Variants in DOK6 observed in about 807,000 individuals in gnomAD.
The protein encoded by DOK6 is docking protein 6, also known as downstream of tyrosine kinase 6.
DOK6 carries 22 observed loss-of-function variants against 44.0 expected under a neutral mutation model. The observed-to-expected ratio is 0.50, with a 90% CI of 0.36 to 0.71. The LOEUF is 0.71. Among genes scored for constraint, DOK6 ranks in the 30% least tolerant of loss-of-function variants. DOK6 has a pLI of 0.00. For synonymous variants in DOK6, 166 were observed against 145.5 expected (o/e 1.14, Z -1.01); for missense variants, 340 against 416.4 (o/e 0.82, Z 1.60).
At chr18:69,565,007 G>A (rs1211415897) in intron 2 of DOK6, among the ~76,000 whole-genome samples, 1 of 152,114 alleles carries the variant, frequency 6.6e-6, no homozygotes, top group Non-Finnish European at 1.5e-5. Context: ...TTGCTGTTTT[G>A]TAAGCTCCTT....
chr18:69,407,899 C>T (rs1222055875), intron 1 of DOK6, among the ~76,000 whole-genome samples: 2 of 152,136 alleles, frequency 1.3e-5, no homozygotes, highest in Non-Finnish European at 2.9e-5. Context: ...TAGTTTGAGA[C>T]TTCATAATGG....
intron 3 of DOK6, among the ~76,000 whole-genome samples, chr18:69,629,326 G>A (rs1323543835): frequency 1.3e-5 from 2 of 152,092 alleles, no homozygotes. Flanking sequence ...CCGAAGTTTT[G>A]AATAAGATAT....
intron 3 of DOK6, among the ~76,000 whole-genome samples, chr18:69,667,730 C>G (rs2144677287): frequency 6.6e-6 from 1 of 152,172 alleles, no homozygotes; most frequent in Admixed American, 6.5e-5. Context: ...AGTTGCCTTC[C>G]CTGTTTGTTT....
intron 5 of DOK6, 67 bp downstream of exon 5, chr18:69,698,660 T>C: frequency 6.8e-7 from 1 of 1,475,270 alleles, no homozygotes; most frequent in Admixed American, 2.2e-5. Flanking sequence ...AACAGAGTCC[T>C]GAAAGAGAGT....
At chr18:69,770,582 G>C (rs988611447) in intron 7 of DOK6, among the ~76,000 whole-genome samples, 3 of 152,088 alleles carry the variant, frequency 2.0e-5, no homozygotes, top group Non-Finnish European at 2.9e-5. Context: ...CTTGTATACA[G>C]TTTGGTCACT....
chr18:69,529,754 G>A (rs17773468), intron 1 of DOK6, among the ~76,000 whole-genome samples: 4,601 of 152,076 alleles, frequency 0.03, 86 homozygotes, highest in Middle Eastern at 0.048. Flanking sequence ...GCCCTATTCC[G>A]TGCAATCTTC....
At chr18:69,556,223 T>C (rs2144591844) in intron 1 of DOK6, among the ~76,000 whole-genome samples, 1 of 152,286 alleles carries the variant, frequency 6.6e-6, no homozygotes, top group African/African-American at 2.4e-5. Flanking sequence ...GCCACCTTGT[T>C]CTGATTCCCT....
At chr18:69,713,598 C>T (rs906046915) in intron 5 of DOK6, among the ~76,000 whole-genome samples, 2 of 152,148 alleles carry the variant, frequency 1.3e-5, no homozygotes, top group African/African-American at 4.8e-5. Context: ...TATTTTTTGT[C>T]ATTTTGCACA....
intron 5 of DOK6, among the ~76,000 whole-genome samples, chr18:69,700,363 A>G (rs755247803): frequency 6.6e-6 from 1 of 151,690 alleles, no homozygotes; most frequent in Non-Finnish European, 1.5e-5. Flanking sequence ...TCCTCTTTCT[A>G]TGGAAAACAA....
intron 1 of DOK6, among the ~76,000 whole-genome samples, chr18:69,424,354 T>A (rs1897731407): frequency 6.6e-6 from 1 of 152,208 alleles, no homozygotes. Context: ...AAAGTTGCAT[T>A]TCTCTGCACT....
chr18:69,455,833 G>A lies in DOK6; in HGVS notation c.66+54523G>A, dbSNP rs773184790. ...TTATATTCAAAAAGCTAAATGATGG[G>A]CAATTTGGACTCATTTACCTTTTTA... On this transcript the variant is annotated intron_variant, in intron 1 of 7. Coordinates refer to ENST00000382713, the MANE Select transcript of DOK6 (RefSeq NM_152721.6). 2.3e-4 allele frequency among the ~76,000 whole-genome samples: 35 copies of A among 152,170 alleles called. No individual in the cohort carries two copies. In the Middle Eastern group the frequency reaches 0.01, roughly 44 times the overall value.
At chr18:69,455,156 C>CAAAAAAAAAAAAAAAAAAAAA (rs58451274) in intron 1 of DOK6, among the ~76,000 whole-genome samples, 1 of 117,448 alleles carries the variant, frequency 8.5e-6, no homozygotes, top group Non-Finnish European at 1.8e-5. Flanking sequence ...ATAGCTATAG[C>CAAAAAAAAAAAAAAAAAAAAA]AAAAAAAAAA....
intron 1 of DOK6, among the ~76,000 whole-genome samples, chr18:69,461,711 C>T (rs1395493919): frequency 6.6e-6 from 1 of 152,190 alleles, no homozygotes; most frequent in Non-Finnish European, 1.5e-5. Context: ...CTCATATCCT[C>T]CTCTAGTCAT....
Position 69,672,624 on chromosome 18 carries a change from C to T in DOK6, c.290-5110C>T, listed in dbSNP as rs1985828782. Among the ~76,000 whole-genome samples the T allele has an allele frequency of 3.5e-5, 5 of 142,400 alleles. No individual in the cohort carries two copies. The South Asian group carries it at 6.8e-4, about 19-fold the overall frequency. 93.4% of individuals were successfully genotyped at this position (142,400 alleles called of 152,430 possible). ...CCGCCCACCTCAGCCTGCCAAAGTG[C>T]TGGGATTACAGGCGTGAGCCACTGC... is the stretch of plus-strand genomic sequence containing the variant. On this transcript the variant is annotated intron_variant, in intron 3 of 7. Coordinates refer to ENST00000382713, the MANE Select transcript of DOK6 (RefSeq NM_152721.6).
intron 6 of DOK6, 154 bp downstream of exon 6, chr18:69,739,257 A>C: frequency 1.1e-6 from 1 of 921,070 alleles, no homozygotes; most frequent in Non-Finnish European, 1.6e-6. Flanking sequence ...TCTCTCTAAT[A>C]TCCTATTCAA....
intron 3 of DOK6, among the ~76,000 whole-genome samples, chr18:69,668,461 T>C (rs959918194): frequency 2.0e-5 from 3 of 152,206 alleles, no homozygotes; most frequent in Non-Finnish European, 2.9e-5. Context: ...AGTTTATGAA[T>C]TTTTGATTCA....
rs570083248 is a variant in DOK6 at position 69,629,350 on chromosome 18, T to G, written c.289+29852T>G. On this transcript the variant is annotated intron_variant, in intron 3 of 7. Coordinates refer to ENST00000382713, the MANE Select transcript of DOK6 (RefSeq NM_152721.6). ...TGAATAAGATATCAAATATTATAGC[T>G]GCTTATTTTTTTTCAATCATACTCA... Among the ~76,000 whole-genome samples the G allele has an allele frequency of 1.4e-3, 211 of 152,296 alleles. 1 individual carries two copies. The highest frequency in any genetic ancestry group is 4.8e-3 in the African/African-American group (201 of 41,564).
intron 1 of DOK6, among the ~76,000 whole-genome samples, chr18:69,488,110 G>T (rs911285842): frequency 2.0e-5 from 3 of 152,074 alleles, no homozygotes; most frequent in Non-Finnish European, 2.9e-5. Context: ...GCTTGTACAT[G>T]ACCACAATCT....
intron 5 of DOK6, among the ~76,000 whole-genome samples, chr18:69,720,362 T>C (rs1395440512): frequency 6.6e-6 from 1 of 152,154 alleles, no homozygotes; most frequent in Non-Finnish European, 1.5e-5. Context: ...ATGTTTTCAT[T>C]TATGTTTGCA....
Sources: gnomAD v4.1 joint callset for allele counts (sites outside exome capture counted in the v4.1 genomes callset) on GRCh38, gnomAD v4.1.1 for gene constraint, MANE v1.5 for transcripts, NCBI Gene and HGNC (gene_info 2026-07-23, HGNC 2026-07-21) for gene names.